Variants in GFPT1 observed in about 807,000 individuals in gnomAD.
GFPT1 encodes the protein glutamine--fructose-6-phosphate aminotransferase [isomerizing] 1.
GFPT1 carries 40 observed loss-of-function variants against 92.0 expected under a neutral mutation model. The ratio of observed to expected loss-of-function variants is 0.43; its 90% CI spans 0.34 to 0.57. The LOEUF is 0.57. Among genes scored for constraint, GFPT1 ranks in the 20% least tolerant of loss-of-function variants. The probability of loss-of-function intolerance (pLI) is 0.02; values close to 1 mark genes in which losing one functional copy is unlikely to be tolerated. For synonymous variants in GFPT1, 269 were observed against 280.6 expected, an observed-to-expected ratio of 0.96 and a Z score of 0.41; for missense variants, 448 against 869.1, an observed-to-expected ratio of 0.52 and a Z score of 6.09.
chr2:69,338,146 C>A (rs576147930), intron 14 of GFPT1, 91 bp from the exon 15 acceptor site: 1 of 1,105,044 alleles, frequency 9.0e-7, no homozygotes, highest in South Asian at 1.2e-5. Context: ...ACACTTTCAA[C>A]AATATTACTT....
At chr2:69,380,899 T>G (rs1226459999) in intron 1 of GFPT1, among the ~76,000 whole-genome samples, 2 of 152,214 alleles carry the variant, frequency 1.3e-5, no homozygotes, top group Admixed American at 1.3e-4. Flanking sequence ...TTTTAGAGTC[T>G]AAGCTACATA....
intron 1 of GFPT1, among the ~76,000 whole-genome samples, chr2:69,380,625 C>A (rs989560389): frequency 6.6e-6 from 1 of 152,316 alleles, no homozygotes; most frequent in African/African-American, 2.4e-5. Flanking sequence ...GTACTTCCTG[C>A]TCACAATCTT....
chr2:69,327,122 G>T (rs1301219450), intron 18 of GFPT1, 47 bp from the exon 19 acceptor site: 1 of 1,581,348 alleles, frequency 6.3e-7, no homozygotes, highest in Non-Finnish European at 8.7e-7. Flanking sequence ...GGTGGGCAAA[G>T]GCAGGGCTAT....
intron 9 of GFPT1, among the ~76,000 whole-genome samples, chr2:69,352,612 C>CAAAAAAAAAAAAAA (rs748958210): frequency 2.3e-4 from 11 of 47,382 alleles, no homozygotes; most frequent in African/African-American, 7.6e-4. Context: ...GACTTCGTCT[C>CAAAAAAAAAAAAAA]AAAAAAAAAA....
At chr2:69,329,133 CAG>C (rs1199565574) in intron 17 of GFPT1, among the ~76,000 whole-genome samples, 162 bp downstream of exon 17, 2 of 152,328 alleles carry the variant, frequency 1.3e-5, no homozygotes, top group Admixed American at 1.3e-4. Context: ...CACTTCTGAA[CAG>C]AGTTCTCTGT....
intron 1 of GFPT1, among the ~76,000 whole-genome samples, chr2:69,379,702 A>G (rs1411755274): frequency 6.6e-6 from 1 of 151,052 alleles, no homozygotes; most frequent in African/African-American, 2.4e-5. Context: ...TGTGCCTGTA[A>G]TTTATTTATT....
At position 69,356,051 on chromosome 2, in the gene GFPT1, G is replaced by A. The variant is rs919943553; in HGVS notation, c.605+445C>T. Among the ~76,000 whole-genome samples the A allele has an allele frequency of 3.7e-5, 5 of 136,336 alleles. No homozygotes were observed. In the South Asian group the frequency reaches 9.5e-4, roughly 26 times the overall value. The allele number at this position is 136,336 out of a possible 152,430, so 89.4% of individuals were successfully genotyped here. On this transcript the variant is annotated intron_variant, in intron 7 of 19. Coordinates refer to ENST00000357308, the MANE Select transcript of GFPT1 (RefSeq NM_001244710.2). ...CTGTAGGCCAGGCTGGAGTGCAGTGGCACGATCTCGGCTCACTGAAACCTC... is the reference window on the plus strand; with the variant it reads ...CTGTAGGCCAGGCTGGAGTGCAGTGACACGATCTCGGCTCACTGAAACCTC...
rs1468259531 is a variant in GFPT1 at position 69,322,088 on chromosome 2, T to C, written c.*4101A>G. ...AAGTATAGTGAGAAAAAAACTGATT[T>C]AAGTGTTAGCATTTCTAAACTTGAG... On this transcript the variant is annotated 3_prime_UTR_variant, in exon 20 of 20. Transcript: ENST00000357308. The C allele has an allele frequency of 6.6e-6, 1 of 152,194 alleles. No homozygotes were observed. Among genetic ancestry groups the C allele is most frequent in the East Asian group, 1.9e-4 (1 of 5,204 alleles). 9.4% of individuals were successfully genotyped at this position (152,194 alleles called of 1,614,324 possible). A position where few individuals can be genotyped will look rare whatever the true frequency, so the allele number is the denominator to read the frequency against.
At chr2:69,377,451 C>A (rs1671902074) in intron 1 of GFPT1, among the ~76,000 whole-genome samples, 1 of 149,524 alleles carries the variant, frequency 6.7e-6, no homozygotes, top group Non-Finnish European at 1.5e-5. Context: ...GAGTTCAAGA[C>A]CAGCCTAACC....
chr2:69,363,092 A>C (rs1671516096), intron 4 of GFPT1, among the ~76,000 whole-genome samples: 1 of 152,018 alleles, frequency 6.6e-6, no homozygotes, highest in Admixed American at 6.6e-5. Flanking sequence ...CTAAAAATAC[A>C]AAAATTAGCC....
intron 9 of GFPT1, among the ~76,000 whole-genome samples, chr2:69,351,004 A>C (rs1472800305): frequency 1.3e-5 from 2 of 152,212 alleles, no homozygotes; most frequent in Non-Finnish European, 2.9e-5. Flanking sequence ...GCAAGTCAGC[A>C]TAACAAATCA....
rs1463589309 is a variant in GFPT1 at position 69,337,960 on chromosome 2, G to A, written c.1420C>T (p.Arg474Trp). The change falls in exon 15 of 20, where the codon CGG becomes TGG. Residue 474 changes from arginine (R) to tryptophan (W), a missense_variant. Arg to Trp is a moderately radical substitution (Grantham distance 101). Transcript: ENST00000357308. Reference sequence around the variant, plus strand: ...ATATGAACTCCACAATCTGTCTCCCGTGATATGGAACTGCCAACTGTGTTT... The same window carrying A: ...ATATGAACTCCACAATCTGTCTCCCATGATATGGAACTGCCAACTGTGTTT... ...ITNTVGSSIS[R>W]ETDCGVHINA... The A allele has an allele frequency of 3.7e-6, 6 of 1,613,544 alleles. No individual in the cohort carries two copies. The highest frequency in any genetic ancestry group is 1.3e-5 in the African/African-American group (1 of 74,888).
At chr2:69,373,419 C>A (rs1332964947) in intron 2 of GFPT1, among the ~76,000 whole-genome samples, 1 of 152,098 alleles carries the variant, frequency 6.6e-6, no homozygotes, top group South Asian at 2.1e-4. Flanking sequence ...GAGTTTGAGA[C>A]CAGCCCAGGC....
At chr2:69,341,942 T>C (rs1190480954) in intron 13 of GFPT1, among the ~76,000 whole-genome samples, 1 of 152,176 alleles carries the variant, frequency 6.6e-6, no homozygotes, top group East Asian at 1.9e-4. Flanking sequence ...GGTCTATCTG[T>C]ATATCTAGGG....
In GFPT1 at chr2:69,322,465, T is replaced by A. The variant is rs1670424021; in HGVS notation, c.*3724A>T. On this transcript the variant is annotated 3_prime_UTR_variant, in exon 20 of 20. Transcript: ENST00000357308. ...AAACATTTCAGTTGGTTTCCTTTCT[T>A]TGAAGAATAATAGAAATAAATGTCA... is the stretch of plus-strand genomic sequence containing the variant. The A allele has an allele frequency of 6.6e-6, 1 of 152,078 alleles. No individual in the cohort carries two copies. Among genetic ancestry groups the A allele is most frequent in the Admixed American group, 6.6e-5 (1 of 15,258 alleles). The allele number at this position is 152,078 out of a possible 1,614,324, so 9.4% of individuals were successfully genotyped here. A position where few individuals can be genotyped will look rare whatever the true frequency, so the allele number is the denominator to read the frequency against.
At chr2:69,368,564 C>G (rs1012285507) in intron 3 of GFPT1, among the ~76,000 whole-genome samples, 2 of 152,078 alleles carry the variant, frequency 1.3e-5, no homozygotes, top group African/African-American at 4.8e-5. Context: ...CCCATCTCTA[C>G]CAAAAATACA....
chr2:69,369,499 C>T (rs1237075550), intron 3 of GFPT1, among the ~76,000 whole-genome samples: 1 of 152,186 alleles, frequency 6.6e-6, no homozygotes, highest in Non-Finnish European at 1.5e-5. Flanking sequence ...ATGGGGCATA[C>T]ATCTCTGACA....
rs781413190 is a variant in GFPT1 at position 69,326,236 on chromosome 2, G to GA, written c.2056-4_2056-3insT. The GA allele has an allele frequency of 6.6e-7, 1 of 1,518,940 alleles. No individual in the cohort carries two copies. Among genetic ancestry groups the GA allele is most frequent in the South Asian group, 1.2e-5 (1 of 86,864 alleles). The allele number at this position is 1,518,940 out of a possible 1,614,324, so 94.1% of individuals were successfully genotyped here. A position where few individuals can be genotyped will look rare whatever the true frequency, so the allele number is the denominator to read the frequency against. On this transcript the variant is annotated splice_region_variant and splice_polypyrimidine_tract_variant and intron_variant, in intron 19 of 19. Transcript: ENST00000357308. ...GCAAGATTCCGTGGGAAATCAACCTGCAAAAAGAAAAAAAAAAAAAGCAAG... is the reference window on the plus strand; with the variant it reads ...GCAAGATTCCGTGGGAAATCAACCTGACAAAAAGAAAAAAAAAAAAAGCAAG...
chr2:69,366,469 G>A (rs1021976389), intron 3 of GFPT1, among the ~76,000 whole-genome samples: 15 of 152,114 alleles, frequency 9.9e-5, no homozygotes, highest in African/African-American at 3.4e-4. Context: ...CCCATCTACT[G>A]CCAAGCAATA....
Sources: allele counts gnomAD v4.1 joint callset (sites outside exome capture counted in the v4.1 genomes callset), GRCh38; gene constraint gnomAD v4.1.1; transcripts MANE v1.5; gene names NCBI Gene and HGNC (gene_info 2026-07-23, HGNC 2026-07-21).